The following UIMC1 variants were observed in gnomAD, a reference collection of about 807,000 sequenced individuals.
UIMC1 encodes the protein ubiquitin interaction motif containing 1, also known as BRCA1-A complex subunit RAP80.
Under a neutral mutation model 84.9 loss-of-function variants are expected in UIMC1, and 42 were observed. The ratio of observed to expected loss-of-function variants is 0.49; its 90% CI spans 0.39 to 0.64. The LOEUF (loss-of-function observed/expected upper bound fraction) is 0.64. Among genes scored for constraint, UIMC1 ranks in the 30% least tolerant of loss-of-function variants. The pLI, the probability that UIMC1 is intolerant of heterozygous loss-of-function variation, is 0.00. For synonymous variants in UIMC1, 281 were observed against 293.0 expected (o/e 0.96, Z 0.42); for missense variants, 825 against 847.6 (o/e 0.97, Z 0.33).
intron 1 of UIMC1, among the ~76,000 whole-genome samples, chr5:177,017,975 G>C (rs894317586): frequency 6.6e-6 from 1 of 151,950 alleles, no homozygotes; most frequent in Non-Finnish European, 1.5e-5. Flanking sequence ...TGTTATAGCA[G>C]TTAAAACATA....
At position 176,958,117 on chromosome 5, in the gene UIMC1, C is replaced by T; in HGVS notation, c.1238G>A (p.Gly413Glu). The change falls in exon 7 of 15, where the codon GGA becomes GAA. Residue 413 changes from glycine to glutamate, a missense_variant. Coordinates refer to ENST00000511320, the MANE Select transcript of UIMC1 (RefSeq NM_001199298.2). ...CCTTTGTGAAGCAGGTACAGAGTTT[C>T]CCTCTTCAGAAGTTTCTTCAACAAT... ...QGIVEETSEEGNSVPASQSVA... is the reference protein window; with the variant it reads ...QGIVEETSEEENSVPASQSVA... 1 of 1,613,776 alleles carries T rather than the reference C, an allele frequency of 6.2e-7. No homozygotes were observed. The highest frequency in any genetic ancestry group is 1.1e-5 in the South Asian group (1 of 91,032).
At chr5:176,927,851 C>CTTT (rs754815729) in intron 10 of UIMC1, among the ~76,000 whole-genome samples, 1 of 136,608 alleles carries the variant, frequency 7.3e-6, no homozygotes, top group African/African-American at 2.7e-5. Context: ...GGCCAGCCAG[C>CTTT]TTTTTTTTTT....
At chr5:176,923,194 T>TA (rs1761917957) in intron 10 of UIMC1, among the ~76,000 whole-genome samples, 1 of 152,250 alleles carries the variant, frequency 6.6e-6, no homozygotes, top group African/African-American at 2.4e-5. Context: ...TTATCAAGCC[T>TA]AGTACCTGAG....
At chr5:176,917,601 A>C (rs148928858) in intron 10 of UIMC1, among the ~76,000 whole-genome samples, 1 of 152,314 alleles carries the variant, frequency 6.6e-6, no homozygotes, top group African/African-American at 2.4e-5. Context: ...ACAAAAAAAC[A>C]AATTATCTAT....
At chr5:177,017,456 C>T (rs766429578) in intron 1 of UIMC1, among the ~76,000 whole-genome samples, 2 of 152,114 alleles carry the variant, frequency 1.3e-5, no homozygotes, top group African/African-American at 4.8e-5. Context: ...GGCGCAATCT[C>T]GGTTCACTGC....
At chr5:176,991,881 G>A (rs1254164285) in intron 1 of UIMC1, among the ~76,000 whole-genome samples, 1 of 151,994 alleles carries the variant, frequency 6.6e-6, no homozygotes, top group African/African-American at 2.4e-5. Flanking sequence ...GCAGTGAGCC[G>A]AGATTGTGTC....
rs1381379939 is a variant in UIMC1, at chr5:176,976,970, C to G, written c.148-1490G>C. Among the ~76,000 whole-genome samples, 3 of 152,082 alleles carry G rather than the reference C, an allele frequency of 2.0e-5. No homozygotes were observed. The South Asian group carries it at 6.2e-4, about 32-fold the overall frequency. ...AGGCGCAGTGGCTCACGCCTGTAAT[C>G]CCAGCACTTTGGGAGGCCCAAGCAG... On this transcript the variant is annotated intron_variant, in intron 2 of 14. Transcript: ENST00000511320.
intron 8 of UIMC1, among the ~76,000 whole-genome samples, chr5:176,952,050 G>A (rs1349101335): frequency 6.6e-6 from 1 of 152,144 alleles, no homozygotes; most frequent in Non-Finnish European, 1.5e-5. Context: ...GTCTGAGATG[G>A]ACCCATGTCG....
intron 1 of UIMC1, chr5:177,001,479 G>C (rs1012197163): frequency 1.6e-4 from 24 of 152,206 alleles, no homozygotes; most frequent in African/African-American, 5.5e-4. Flanking sequence ...ACTGATCCTA[G>C]GTTGTTGTTT....
intron 1 of UIMC1, among the ~76,000 whole-genome samples, chr5:177,003,924 G>T (rs1192505777): frequency 1.3e-5 from 2 of 152,130 alleles, no homozygotes; most frequent in African/African-American, 4.8e-5. Context: ...GACTTCCCAG[G>T]ATCAGGCAAT....
At chr5:176,913,992 CCATACCATACCATAG>C (rs1168237314) in intron 10 of UIMC1, among the ~76,000 whole-genome samples, 3 of 150,080 alleles carry the variant, frequency 2.0e-5, no homozygotes, top group Non-Finnish European at 4.4e-5. Context: ...TAATACCATA[CCATACCATACCATAG>C]CATACCATAC....
chr5:176,908,413 T>TAGAGGGAAGAGGGGAGGGAGA, intron 12 of UIMC1, 110 bp downstream of exon 12: 1 of 1,097,354 alleles, frequency 9.1e-7, no homozygotes, highest in Non-Finnish European at 1.2e-6. Flanking sequence ...TCAAGATAAA[T>TAGAGGGAAGAGGGGAGGGAGA]AGAGGGAAGA....
chr5:176,911,281 G>C, intron 11 of UIMC1, 30 bp downstream of exon 11: 1 of 1,562,952 alleles, frequency 6.4e-7, no homozygotes, highest in South Asian at 1.2e-5. Context: ...TGTTATACAA[G>C]AGCTCCGTGA....
chr5:176,935,585 C>G (rs56032675), intron 10 of UIMC1, among the ~76,000 whole-genome samples: 16,534 of 152,084 alleles, frequency 0.11, 1,688 homozygotes, highest in African/African-American at 0.27. Flanking sequence ...TCAGTAGCTA[C>G]GTACCAGTAG....
At chr5:176,906,095 T>C in intron 13 of UIMC1, 48 bp from the exon 14 acceptor site, 1 of 1,574,680 alleles carries the variant, frequency 6.4e-7, no homozygotes, top group Non-Finnish European at 8.7e-7. Flanking sequence ...GTGTTGGTAA[T>C]CATAGCACTT....
chr5:176,953,189 C>G (rs933886343), intron 8 of UIMC1, among the ~76,000 whole-genome samples: 4 of 152,166 alleles, frequency 2.6e-5, no homozygotes, highest in Non-Finnish European at 5.9e-5. Context: ...GCCCCCAAAA[C>G]TGTGAGAAAT....
chr5:176,997,323 T>C (rs1301327840), intron 1 of UIMC1, among the ~76,000 whole-genome samples: 8 of 151,534 alleles, frequency 5.3e-5, no homozygotes, highest in Non-Finnish European at 1.0e-4. Context: ...TTTACCACCG[T>C]TCCCCTCCAA....
At chr5:177,014,762 G>A (rs577022416) in intron 1 of UIMC1, among the ~76,000 whole-genome samples, 30 of 152,242 alleles carry the variant, frequency 2.0e-4, no homozygotes, top group Admixed American at 3.9e-4. Flanking sequence ...GGGTGTGAAA[G>A]GATTCCCCAG....
chr5:176,963,393 T>C (rs1417048790), intron 6 of UIMC1, among the ~76,000 whole-genome samples: 4 of 151,772 alleles, frequency 2.6e-5, no homozygotes, highest in Non-Finnish European at 4.4e-5. Flanking sequence ...TGGTGGTGCA[T>C]GCCTGTGACC....
Sources: allele counts gnomAD v4.1 joint callset (sites outside exome capture counted in the v4.1 genomes callset), GRCh38; gene constraint gnomAD v4.1.1; transcripts MANE v1.5; gene names NCBI Gene and HGNC (gene_info 2026-07-23, HGNC 2026-07-21).